LRRC7: variants seen among roughly 807,000 people sequenced by gnomAD.
LRRC7 encodes leucine-rich repeat-containing protein 7.
In LRRC7, 23 loss-of-function variants were observed where a neutral mutation model predicts 175.7. The ratio of observed to expected loss-of-function variants is 0.13; its 90% CI spans 0.09 to 0.19. LRRC7 has a LOEUF of 0.19. Ranked by LOEUF, LRRC7 falls within the 10% of genes least tolerant of loss-of-function variation. The probability of loss-of-function intolerance (pLI) is 1.00; values close to 1 mark genes in which losing one functional copy is unlikely to be tolerated. For missense variants in LRRC7, 1,354 were observed against 1,904.7 expected, an observed-to-expected ratio of 0.71 and a Z score of 5.38; for synonymous variants, 685 against 680.9, an observed-to-expected ratio of 1.01 and a Z score of -0.09.
At chr1:69,882,770 C>A (rs1328296159) in intron 7 of LRRC7, among the ~76,000 whole-genome samples, 5 of 125,258 alleles carry the variant, frequency 4.0e-5, no homozygotes, top group Non-Finnish European at 6.6e-5. Context: ...CCCCGCCCCC[C>A]ACCCCACCAC....
chr1:69,755,460 A>G (rs986941291), intron 2 of LRRC7, among the ~76,000 whole-genome samples: 1 of 147,368 alleles, frequency 6.8e-6, no homozygotes, highest in African/African-American at 2.4e-5. Flanking sequence ...ACATCAGCAG[A>G]TAATAAACTT....
chr1:69,967,937 A>C (rs1337827811), intron 8 of LRRC7, among the ~76,000 whole-genome samples: 1 of 152,158 alleles, frequency 6.6e-6, no homozygotes, highest in East Asian at 1.9e-4. Flanking sequence ...CCAGCAATGG[A>C]TCCAAACCAA....
intron 7 of LRRC7, among the ~76,000 whole-genome samples, chr1:69,907,656 G>A (rs1263352424): frequency 6.6e-6 from 1 of 152,134 alleles, no homozygotes; most frequent in East Asian, 1.9e-4. Flanking sequence ...TGCTGGATTC[G>A]ATTTGCCAGT....
At chr1:69,906,857 G>A (rs562837280) in intron 7 of LRRC7, among the ~76,000 whole-genome samples, 1 of 152,170 alleles carries the variant, frequency 6.6e-6, no homozygotes, top group East Asian at 1.9e-4. Flanking sequence ...GCGCAATATG[G>A]CCATATTCAC....
chr1:69,762,551 G>C (rs1051336965), intron 3 of LRRC7, among the ~76,000 whole-genome samples: 15 of 152,106 alleles, frequency 9.9e-5, no homozygotes, highest in African/African-American at 3.6e-4. Context: ...GTTGTGAAGA[G>C]TCTGGAACTG....
At chr1:69,857,460 T>C (rs1299572174) in intron 7 of LRRC7, among the ~76,000 whole-genome samples, 1 of 152,088 alleles carries the variant, frequency 6.6e-6, no homozygotes, top group African/African-American at 2.4e-5. Context: ...AACATTCTTA[T>C]ACACCAATAA....
intron 4 of LRRC7, among the ~76,000 whole-genome samples, chr1:69,822,834 C>T (rs1016229571): frequency 6.6e-6 from 1 of 152,186 alleles, no homozygotes; most frequent in Non-Finnish European, 1.5e-5. Flanking sequence ...CTCCCAAACT[C>T]CCACAAAAAT....
At chr1:69,673,472 T>A (rs992331428) in intron 1 of LRRC7, among the ~76,000 whole-genome samples, 1 of 152,228 alleles carries the variant, frequency 6.6e-6, no homozygotes, top group African/African-American at 2.4e-5. Context: ...TTGCTAGAAT[T>A]GTTAACACAC....
At chr1:70,063,199 A>G (rs1385891713) in intron 23 of LRRC7, among the ~76,000 whole-genome samples, 1 of 152,138 alleles carries the variant, frequency 6.6e-6, no homozygotes, top group East Asian at 1.9e-4. Context: ...AGAGGTAGAA[A>G]ATAAATTTGC....
chr1:69,945,431 T>C (rs185580309), intron 8 of LRRC7, among the ~76,000 whole-genome samples: 213 of 152,244 alleles, frequency 1.4e-3, no homozygotes, highest in African/African-American at 5.0e-3. Context: ...TGAGATCAGA[T>C]AGTATGATGC....
chr1:69,709,742 A>G (rs150640729), intron 2 of LRRC7, among the ~76,000 whole-genome samples: 2 of 152,356 alleles, frequency 1.3e-5, no homozygotes, highest in East Asian at 3.9e-4. Flanking sequence ...CTTTCAGTTT[A>G]TGACTTCACT....
chr1:69,942,416 T>G (rs1648820782), intron 8 of LRRC7, among the ~76,000 whole-genome samples: 2 of 152,076 alleles, frequency 1.3e-5, no homozygotes, highest in African/African-American at 4.8e-5. Context: ...CCTGTGTTAC[T>G]TTTCTATTTC....
chr1:70,048,256 A>G (rs1442331525), intron 22 of LRRC7, among the ~76,000 whole-genome samples: 1 of 152,126 alleles, frequency 6.6e-6, no homozygotes, highest in Non-Finnish European at 1.5e-5. Flanking sequence ...TTTATTGAGA[A>G]TCTACTATGT....
chr1:69,890,702 AC>A (rs988981140), intron 7 of LRRC7, among the ~76,000 whole-genome samples: 4 of 152,014 alleles, frequency 2.6e-5, no homozygotes, highest in African/African-American at 9.7e-5. Context: ...TATATTGAAA[AC>A]CTGTTTTTTA....
chr1:69,792,365 G>A (rs1056659543), intron 4 of LRRC7, among the ~76,000 whole-genome samples: 1 of 151,906 alleles, frequency 6.6e-6, no homozygotes, highest in African/African-American at 2.4e-5. Context: ...TGCTTGACTC[G>A]TTCAAGTCTT....
chr1:69,646,409 T>C (rs1655015202), intron 1 of LRRC7, among the ~76,000 whole-genome samples: 1 of 152,190 alleles, frequency 6.6e-6, no homozygotes, highest in Non-Finnish European at 1.5e-5. Flanking sequence ...GTTATAATAG[T>C]ATGTGGTACA....
intron 8 of LRRC7, among the ~76,000 whole-genome samples, chr1:69,947,848 A>C (rs1649503308): frequency 6.6e-6 from 1 of 152,152 alleles, no homozygotes; most frequent in South Asian, 2.1e-4. Flanking sequence ...GACTAACAGC[A>C]ATAACTAATA....
At chr1:69,667,314 AG>A (rs1384985649) in intron 1 of LRRC7, among the ~76,000 whole-genome samples, 1 of 149,406 alleles carries the variant, frequency 6.7e-6, no homozygotes, top group Non-Finnish European at 1.5e-5. Flanking sequence ...AATATCTATT[AG>A]GTCAATTTGC....
chr1:70,068,238 T>A (rs1662120370), intron 23 of LRRC7, among the ~76,000 whole-genome samples: 1 of 152,138 alleles, frequency 6.6e-6, no homozygotes, highest in Non-Finnish European at 1.5e-5. Context: ...TAGCTATACA[T>A]TTTTGTAGAT....
Sources: gnomAD v4.1 joint callset for allele counts (sites outside exome capture counted in the v4.1 genomes callset) on GRCh38, gnomAD v4.1.1 for gene constraint, MANE v1.5 for transcripts, NCBI Gene and HGNC (gene_info 2026-07-23, HGNC 2026-07-21) for gene names.